PRSS23: variants seen among roughly 807,000 people sequenced by gnomAD.
PRSS23 encodes the protein serine protease 23.
Under a neutral mutation model 34.7 loss-of-function variants are expected in PRSS23, and 25 were observed. That is an observed-to-expected ratio of 0.72 (90% CI 0.53 to 1.01). The LOEUF (loss-of-function observed/expected upper bound fraction) is 1.01, where lower values mean the gene tolerates loss of function less well. Among genes scored for constraint, PRSS23 ranks in the 50% least tolerant of loss-of-function variants. The probability of loss-of-function intolerance (pLI) is 0.00; values close to 1 mark genes in which losing one functional copy is unlikely to be tolerated. For synonymous variants in PRSS23, 176 were observed against 186.6 expected, an observed-to-expected ratio of 0.94 and a Z score of 0.46; for missense variants, 445 against 475.6, an observed-to-expected ratio of 0.94 and a Z score of 0.60.
intron 2 of PRSS23, among the ~76,000 whole-genome samples, chr11:86,918,280 G>A (rs1218734743): frequency 2.0e-5 from 3 of 152,212 alleles, no homozygotes; most frequent in African/African-American, 7.2e-5. Context: ...TGGGAGAGAG[G>A]AGAAGGTAAT....
At chr11:86,883,220 A>G (rs1948782530) in intron 2 of PRSS23, among the ~76,000 whole-genome samples, 1 of 152,252 alleles carries the variant, frequency 6.6e-6, no homozygotes, top group African/African-American at 2.4e-5. Flanking sequence ...AGCTGGAGGC[A>G]TCATGCTACT....
intron 2 of PRSS23, among the ~76,000 whole-genome samples, chr11:86,945,523 CAG>C (rs1346479531): frequency 2.0e-5 from 3 of 152,230 alleles, no homozygotes; most frequent in Middle Eastern, 3.4e-3. Context: ...AGAAATCCCA[CAG>C]GGGAAAAAGA....
chr11:86,867,515 T>G (rs1445416750), intron 2 of PRSS23, among the ~76,000 whole-genome samples: 1 of 152,204 alleles, frequency 6.6e-6, no homozygotes, highest in Non-Finnish European at 1.5e-5. Flanking sequence ...TGCTTTACTC[T>G]TCTCCCAACT....
intron 2 of PRSS23, chr11:86,945,764 T>C (rs1417452315): frequency 1.3e-5 from 2 of 152,652 alleles, no homozygotes; most frequent in Middle Eastern, 3.2e-3. Flanking sequence ...AAATTTACAG[T>C]ACAGACATCG....
chr11:86,840,335 G>T (rs1315809152), intron 2 of PRSS23, among the ~76,000 whole-genome samples: 1 of 152,120 alleles, frequency 6.6e-6, no homozygotes, highest in Admixed American at 6.5e-5. Flanking sequence ...TGTTAAAACA[G>T]ACTTTAAACC....
intron 2 of PRSS23, among the ~76,000 whole-genome samples, chr11:86,859,085 T>A (rs1179934165): frequency 1.3e-5 from 2 of 151,874 alleles, no homozygotes; most frequent in Non-Finnish European, 2.9e-5. Flanking sequence ...TCACAGGGAC[T>A]GTACATCCCT....
chr11:86,930,587 C>A (rs1175033988), intron 2 of PRSS23, among the ~76,000 whole-genome samples: 1 of 152,058 alleles, frequency 6.6e-6, no homozygotes, highest in Non-Finnish European at 1.5e-5. Flanking sequence ...GTCAGGAGAT[C>A]GAGACCATCC....
At chr11:86,905,936 A>G (rs1221403155) in intron 2 of PRSS23, among the ~76,000 whole-genome samples, 1 of 152,250 alleles carries the variant, frequency 6.6e-6, no homozygotes. Flanking sequence ...AGGATGAAAG[A>G]TGAGATCTCC....
chr11:86,937,944 T>G (rs1949176043), intron 2 of PRSS23: 1 of 152,218 alleles, frequency 6.6e-6, no homozygotes, highest in Non-Finnish European at 1.5e-5. Context: ...AGAGATGATT[T>G]TTGTGAAAGC....
At chr11:86,835,257 A>C (rs1440794148) in intron 2 of PRSS23, among the ~76,000 whole-genome samples, 2 of 152,196 alleles carry the variant, frequency 1.3e-5, no homozygotes, top group East Asian at 3.8e-4. Context: ...GTATTATTTT[A>C]ACTGCTTCAG....
intron 2 of PRSS23, among the ~76,000 whole-genome samples, chr11:86,851,519 T>G (rs1228364983): frequency 6.6e-6 from 1 of 152,220 alleles, no homozygotes; most frequent in Non-Finnish European, 1.5e-5. Flanking sequence ...GAGGGCAGGT[T>G]GGATGCAGGG....
At chr11:86,951,126 T>C (rs1165065756) in intron 2 of PRSS23, 1 of 1,612,924 alleles carries the variant, frequency 6.2e-7, no homozygotes, top group African/African-American at 1.3e-5. Flanking sequence ...GAAGAAAGCA[T>C]GGAGGCTGAC....
At chr11:86,832,915 G>T (rs1948371563) in intron 2 of PRSS23, 1 of 348,462 alleles carries the variant, frequency 2.9e-6, no homozygotes, top group African/African-American at 2.1e-5. Context: ...GTTGAGAAGG[G>T]TCACAGAAGA....
chr11:86,832,221 G>T (rs1948363524), intron 2 of PRSS23, among the ~76,000 whole-genome samples: 1 of 152,050 alleles, frequency 6.6e-6, no homozygotes. Flanking sequence ...CACAGTGGGT[G>T]TACCACATGT....
chr11:86,951,252 G>A (rs1480780930), exon 3 of PRSS23: 1 of 1,614,134 alleles, frequency 6.2e-7, no homozygotes, highest in South Asian at 1.1e-5. Flanking sequence ...TGCCACGTGT[G>A]AAGAGTTTTG....
intron 2 of PRSS23, chr11:86,936,877 T>TAAAAAAAAAA (rs1949166981): frequency 3.7e-5 from 1 of 27,072 alleles, no homozygotes. Context: ...GGTGACAGAG[T>TAAAAAAAAAA]AAAGAAAAAA....
At chr11:86,929,579 G>A (rs560341013) in intron 2 of PRSS23, among the ~76,000 whole-genome samples, 1 of 152,336 alleles carries the variant, frequency 6.6e-6, no homozygotes, top group East Asian at 1.9e-4. Flanking sequence ...GGAGGCGGAG[G>A]TTGCAGTGAG....
At chr11:86,792,514 A>G (rs1947957805) in intron 1 of PRSS23, among the ~76,000 whole-genome samples, 1 of 152,174 alleles carries the variant, frequency 6.6e-6, no homozygotes, top group Non-Finnish European at 1.5e-5. Context: ...CCAATGTGCT[A>G]TTGCCAAGAC....
chr11:86,839,305 C>T (rs981815602), intron 2 of PRSS23, among the ~76,000 whole-genome samples: 2 of 152,104 alleles, frequency 1.3e-5, no homozygotes, highest in African/African-American at 4.8e-5. Context: ...CCTTAAATTA[C>T]CTGATGGAGC....
Sources: gnomAD v4.1 joint callset for allele counts (sites outside exome capture counted in the v4.1 genomes callset) on GRCh38, gnomAD v4.1.1 for gene constraint, MANE v1.5 for transcripts, NCBI Gene and HGNC (gene_info 2026-07-23, HGNC 2026-07-21) for gene names.